The following CACNA1S variants were observed in gnomAD, a reference collection of about 807,000 sequenced individuals.
The protein encoded by CACNA1S is calcium voltage-gated channel subunit alpha1 S, also known as voltage-dependent L-type calcium channel subunit alpha-1S.
In CACNA1S, 126 loss-of-function variants were observed where a neutral mutation model predicts 207.4. The ratio of observed to expected loss-of-function variants is 0.61; its 90% CI spans 0.53 to 0.70. The LOEUF is 0.70. Ranked by LOEUF, CACNA1S falls within the 30% of genes least tolerant of loss-of-function variation. The pLI is 0.00. For missense variants in CACNA1S, 2,349 were observed against 2,422.8 expected, an observed-to-expected ratio of 0.97 and a Z score of 0.64; for synonymous variants, 960 against 932.7, an observed-to-expected ratio of 1.03 and a Z score of -0.53.
rs572238137 is a variant in CACNA1S at position 201,101,802 on chromosome 1, A to G, written c.259-7781T>C. Among the ~76,000 whole-genome samples the G allele has an allele frequency of 4.6e-5, 7 of 152,342 alleles. No individual in the cohort carries two copies. In the South Asian group the frequency reaches 1.5e-3, roughly 32 times the overall value. ...GTGGCCAGCCCCGATGGCCCTTGCC[A>G]TGACAGCTACATTGGTCCTCAATTC... On this transcript the variant is annotated intron_variant, in intron 2 of 43. Transcript: ENST00000362061.
intron 10 of CACNA1S, 143 bp downstream of exon 10, chr1:201,083,019 C>T (rs1347418584): frequency 9.2e-6 from 8 of 868,440 alleles, no homozygotes; most frequent in Non-Finnish European, 1.5e-5. Flanking sequence ...TATAATCCAG[C>T]ACTCATGGTC....
intron 24 of CACNA1S, 81 bp from the exon 25 acceptor site, chr1:201,061,549 C>A (rs1661051237): frequency 2.2e-6 from 3 of 1,357,838 alleles, no homozygotes; most frequent in African/African-American, 1.4e-5. Context: ...GGGCTTTATC[C>A]CACTGGCTGT....
intron 28 of CACNA1S, among the ~76,000 whole-genome samples, chr1:201,057,800 T>G (rs1483084854): frequency 8.4e-6 from 1 of 118,784 alleles, no homozygotes; most frequent in Non-Finnish European, 1.7e-5. Flanking sequence ...CATCTCTATA[T>G]TTCAAAAACA....
intron 3 of CACNA1S, 146 bp downstream of exon 3, chr1:201,093,736 G>T: frequency 1.0e-6 from 1 of 970,360 alleles, no homozygotes; most frequent in Non-Finnish European, 1.6e-6. Flanking sequence ...CCCTTGCTGG[G>T]CCGGCCTCTA....
At chr1:201,110,038 G>A in intron 2 of CACNA1S, 126 bp downstream of exon 2, 3 of 860,004 alleles carry the variant, frequency 3.5e-6, no homozygotes, top group Non-Finnish European at 5.9e-6. Flanking sequence ...GGCTGGGGAT[G>A]CAGGGCCTGC....
intron 38 of CACNA1S, among the ~76,000 whole-genome samples, chr1:201,046,451 G>A (rs1404460809): frequency 6.6e-6 from 1 of 151,924 alleles, no homozygotes; most frequent in Non-Finnish European, 1.5e-5. Flanking sequence ...AAAGCGCTGG[G>A]ATTACAGGTG....
rs1419258347 is a variant in CACNA1S at position 201,065,864 on chromosome 1, C to T, written c.2827G>A (p.Ala943Thr). ...TTGAAGAGCTGGACGCCGATGCAGG[C>T]AAACATGAACTGTAGGAGGGTAGTG... is the stretch of plus-strand genomic sequence containing the variant. ...LVTTLLQFMF[A>T]CIGVQLFKGK... is the part of the protein sequence containing the mutation. The change falls in exon 22 of 44, where the codon GCC becomes ACC. Residue 943 changes from alanine to threonine, a missense_variant. Physicochemically the swap from Ala to Thr is moderately conservative, Grantham distance 58 (BLOSUM62 0). Transcript: ENST00000362061. 1 of 1,614,094 alleles carries T rather than the reference C, an allele frequency of 6.2e-7. No homozygotes were observed. The highest frequency in any genetic ancestry group is 2.2e-5 in the East Asian group (1 of 44,884).
Position 201,066,171 on chromosome 1 carries a change from G to A in CACNA1S, c.2745+58C>T. The A allele has an allele frequency of 6.6e-7, 1 of 1,510,588 alleles. No homozygotes were observed. The highest frequency in any genetic ancestry group is 1.1e-5 in the South Asian group (1 of 89,022). 93.6% of individuals were successfully genotyped at this position (1,510,588 alleles called of 1,614,324 possible). A position where few individuals can be genotyped will look rare whatever the true frequency, so the allele number is the denominator to read the frequency against. ...GCTGGGCTGAGGTTTCTGGAGCGAG[G>A]AGGCCCCTGTAACCCCTCCCATTCC... On this transcript the variant is annotated intron_variant, in intron 21 of 43. Transcript: ENST00000362061. The surrounding 1 kb of genome is among the most constrained non-coding windows in gnomAD (Gnocchi z 4.3).
intron 41 of CACNA1S, 95 bp from the exon 42 acceptor site, chr1:201,040,808 T>A: frequency 1.1e-6 from 1 of 902,466 alleles, no homozygotes; most frequent in Non-Finnish European, 1.8e-6. Context: ...AGCCACACTC[T>A]GTGAGAGCTC....
At chr1:201,045,393 T>C (rs1251668568) in intron 38 of CACNA1S, among the ~76,000 whole-genome samples, 1 of 152,072 alleles carries the variant, frequency 6.6e-6, no homozygotes, top group East Asian at 1.9e-4. Context: ...TAAAGGACAT[T>C]TACTGGGACA....
Position 201,047,529 on chromosome 1 carries a change from T to TA in CACNA1S, c.4538dup (p.Gly1514ArgfsTer3), listed in dbSNP as rs1337865642. ...GTCCCCCAAAGTAGCACCTACCTCC[T>TA]ATTGGAGGGATGACCTGGTCCAAGA... is the stretch of plus-strand genomic sequence containing the variant. On this transcript the variant is annotated frameshift_variant, in exon 37 of 44. Coordinates refer to ENST00000362061, the MANE Select transcript of CACNA1S (RefSeq NM_000069.3). LOFTEE classifies it high-confidence loss of function. The TA allele has an allele frequency of 6.2e-7, 1 of 1,609,976 alleles. No homozygotes were observed. The highest frequency in any genetic ancestry group is 8.5e-7 in the Non-Finnish European group (1 of 1,176,146).
intron 23 of CACNA1S, 76 bp downstream of exon 23, chr1:201,062,386 G>T (rs985243038): frequency 1.4e-6 from 2 of 1,422,020 alleles, no homozygotes; most frequent in Non-Finnish European, 9.9e-7. Context: ...CCCTCCCACA[G>T]TGCTCCCTGC....
intron 10 of CACNA1S, 41 bp from the exon 11 acceptor site, chr1:201,078,145 C>T: frequency 1.3e-6 from 2 of 1,483,340 alleles, no homozygotes; most frequent in Non-Finnish European, 1.9e-6. Context: ...ACTCTCCTTC[C>T]CTTCTCCTGA....
intron 6 of CACNA1S, among the ~76,000 whole-genome samples, chr1:201,088,341 A>G (rs1426593390): frequency 2.6e-5 from 4 of 152,288 alleles, no homozygotes; most frequent in Middle Eastern, 3.4e-3. Flanking sequence ...ATTCCCAACC[A>G]TCTAATGGCG....
chr1:201,104,356 T>G (rs564434866), intron 2 of CACNA1S, among the ~76,000 whole-genome samples: 2 of 152,262 alleles, frequency 1.3e-5, no homozygotes, highest in South Asian at 4.1e-4. Flanking sequence ...CTACTTCCCC[T>G]CCCCAATCCC....
intron 5 of CACNA1S, among the ~76,000 whole-genome samples, chr1:201,091,381 C>A (rs1662223559): frequency 6.8e-6 from 1 of 146,912 alleles, no homozygotes; most frequent in Non-Finnish European, 1.5e-5. Context: ...TGGAACATAC[C>A]ACATTGTATG....
At chr1:201,087,249 T>C (rs1484813501) in intron 7 of CACNA1S, among the ~76,000 whole-genome samples, 1 of 152,258 alleles carries the variant, frequency 6.6e-6, no homozygotes, top group Non-Finnish European at 1.5e-5. Context: ...ATGAGATAGA[T>C]ACTGAAATAA....
rs553630506 is a variant in CACNA1S at position 201,066,499 on chromosome 1, C to T, written c.2658-183G>A. Among the ~76,000 whole-genome samples, 2 of 152,270 alleles carry T rather than the reference C, an allele frequency of 1.3e-5. No homozygotes were observed. Among genetic ancestry groups the T allele is most frequent in the Non-Finnish European group, 2.9e-5 (2 of 68,004 alleles). On this transcript the variant is annotated intron_variant, in intron 20 of 43. Transcript: ENST00000362061. This position sits in a 1 kb window ranked among gnomAD's most constrained non-coding sequence, Gnocchi z 4.3. ...TGCCCGACTCCAGGGCACAGCCACC[C>T]CTGCTATCTGGACCATGCTCTCATG... is the stretch of plus-strand genomic sequence containing the variant.
rs375704313 is a variant in CACNA1S at position 201,089,323 on chromosome 1, C to A, written c.835G>T (p.Gly279Cys). 1 of 1,614,244 alleles carries A rather than the reference C, an allele frequency of 6.2e-7. No homozygotes were observed. The highest frequency in any genetic ancestry group is 1.1e-5 in the South Asian group (1 of 91,084). The change falls in exon 6 of 44, where the codon GGC (glycine) becomes TGC (cysteine). Residue 279 changes from glycine (G) to cysteine (C), a missense_variant. Physicochemically the swap from Gly to Cys is radical, Grantham distance 159. Coordinates refer to ENST00000362061, the MANE Select transcript of CACNA1S (RefSeq NM_000069.3). ...NHGITHFDNF[G>C]FSMLTVYQCI... ...TGGTACACGGTGAGCATGGAGAAGC[C>A]GAAGTTGTCGAAGTGGGTGATGCCA...
Sources: gnomAD v4.1 joint callset for allele counts (sites outside exome capture counted in the v4.1 genomes callset) on GRCh38, gnomAD v4.1.1 for gene constraint, Gnocchi (gnomAD v3.1) non-coding constraint, MANE v1.5 for transcripts, NCBI Gene and HGNC (gene_info 2026-07-23, HGNC 2026-07-21) for gene names.